The following FHIT variants were observed in gnomAD, a reference collection of about 807,000 sequenced individuals.
The protein encoded by FHIT is fragile histidine triad diadenosine triphosphatase, also known as bis(5'-adenosyl)-triphosphatase.
In FHIT, 19 loss-of-function variants were observed where a neutral mutation model predicts 17.9. The observed-to-expected ratio is 1.06, with a 90% CI of 0.74 to 1.56. The LOEUF (loss-of-function observed/expected upper bound fraction) is 1.56, where lower values mean the gene tolerates loss of function less well. Among genes scored for constraint, FHIT ranks in the 40% most tolerant of loss-of-function variants. FHIT has a pLI of 0.00. For synonymous variants in FHIT, 81 were observed against 69.7 expected, an observed-to-expected ratio of 1.16 and a Z score of -0.81; for missense variants, 248 against 189.2, an observed-to-expected ratio of 1.31 and a Z score of -1.82.
chr3:60,069,265 T>A (rs886417940), intron 5 of FHIT, among the ~76,000 whole-genome samples: 3 of 152,244 alleles, frequency 2.0e-5, no homozygotes, highest in Non-Finnish European at 4.4e-5. Context: ...ACTACTTTTT[T>A]TTAAATAATG....
chr3:60,530,890 T>C (rs917817316), intron 5 of FHIT, among the ~76,000 whole-genome samples: 1 of 152,208 alleles, frequency 6.6e-6, no homozygotes, highest in Admixed American at 6.5e-5. Context: ...TGCTTGTAGC[T>C]GGTGGCCATG....
intron 4 of FHIT, among the ~76,000 whole-genome samples, chr3:60,668,869 T>C (rs1032246479): frequency 2.0e-5 from 3 of 152,170 alleles, no homozygotes; most frequent in African/African-American, 7.2e-5. Context: ...TCATTCTTAC[T>C]GTCTTTCAGC....
chr3:60,649,042 C>T (rs1329569512), intron 4 of FHIT, among the ~76,000 whole-genome samples: 1 of 152,194 alleles, frequency 6.6e-6, no homozygotes, highest in Non-Finnish European at 1.5e-5. Context: ...CATAGAAATT[C>T]CATTTTCATA....
intron 8 of FHIT, among the ~76,000 whole-genome samples, chr3:59,808,661 G>T (rs181152420): frequency 4.6e-5 from 7 of 152,314 alleles, no homozygotes; most frequent in African/African-American, 1.7e-4. Flanking sequence ...AGCTGATCTG[G>T]AGTTTCAGTT....
At chr3:60,262,383 C>G (rs1419287774) in intron 5 of FHIT, among the ~76,000 whole-genome samples, 1 of 151,906 alleles carries the variant, frequency 6.6e-6, no homozygotes, top group Non-Finnish European at 1.5e-5. Flanking sequence ...TTTACCTGAG[C>G]CCTGTGCTTG....
intron 8 of FHIT, among the ~76,000 whole-genome samples, chr3:59,913,546 A>G (rs1704986099): frequency 6.6e-6 from 1 of 152,114 alleles, no homozygotes; most frequent in Non-Finnish European, 1.5e-5. Context: ...GTGTATTCTC[A>G]TTGACAGTAA....
At chr3:61,198,037 T>C (rs17064615) in intron 2 of FHIT, among the ~76,000 whole-genome samples, 14 of 152,052 alleles carry the variant, frequency 9.2e-5, no homozygotes, top group Non-Finnish European at 1.8e-4. Context: ...TACTTACACA[T>C]GATGAAAGAA....
intron 7 of FHIT, among the ~76,000 whole-genome samples, chr3:59,973,342 A>G (rs373903539): frequency 1.3e-5 from 2 of 151,998 alleles, no homozygotes; most frequent in East Asian, 1.9e-4. Flanking sequence ...AGTTGGCCCC[A>G]TTATCTTTAC....
At chr3:60,093,071 T>C (rs1268319356) in intron 5 of FHIT, among the ~76,000 whole-genome samples, 1 of 152,178 alleles carries the variant, frequency 6.6e-6, no homozygotes, top group Non-Finnish European at 1.5e-5. Context: ...CAGTTTCCTA[T>C]GGCTGCAGTA....
intron 4 of FHIT, among the ~76,000 whole-genome samples, chr3:60,561,214 CAGAT>C (rs1440280089): frequency 6.6e-6 from 1 of 151,882 alleles, no homozygotes; most frequent in East Asian, 1.9e-4. Flanking sequence ...AATTACCAAT[CAGAT>C]AGACGCTAAG....
intron 8 of FHIT, among the ~76,000 whole-genome samples, chr3:59,800,031 A>G (rs558981673): frequency 6.6e-6 from 1 of 152,350 alleles, no homozygotes; most frequent in East Asian, 1.9e-4. Context: ...CAAGGAAGTG[A>G]AAACCATTCA....
intron 8 of FHIT, among the ~76,000 whole-genome samples, chr3:59,819,053 T>C (rs964207146): frequency 6.6e-6 from 1 of 152,246 alleles, no homozygotes; most frequent in Non-Finnish European, 1.5e-5. Flanking sequence ...TCTGTTGACT[T>C]GAAGTGGTGT....
intron 2 of FHIT, among the ~76,000 whole-genome samples, chr3:61,139,744 ATG>A (rs2037022197): frequency 6.6e-6 from 1 of 152,158 alleles, no homozygotes; most frequent in Admixed American, 6.5e-5. Context: ...GCTCATGTAT[ATG>A]TGGTACTATA....
chr3:60,799,721 C>T (rs2106653502), intron 4 of FHIT, among the ~76,000 whole-genome samples: 1 of 152,236 alleles, frequency 6.6e-6, no homozygotes, highest in South Asian at 2.1e-4. Flanking sequence ...AACATTTTCG[C>T]CTCCAAGAAG....
chr3:60,074,977 T>C (rs180698925), intron 5 of FHIT, among the ~76,000 whole-genome samples: 2 of 152,198 alleles, frequency 1.3e-5, no homozygotes, highest in Admixed American at 6.6e-5. Context: ...GGGTGAATGT[T>C]ACAGCAAACT....
intron 2 of FHIT, among the ~76,000 whole-genome samples, chr3:61,188,321 A>G (rs1185383213): frequency 6.6e-6 from 1 of 152,266 alleles, no homozygotes; most frequent in Non-Finnish European, 1.5e-5. Context: ...CAAATAAACT[A>G]GAAAATCTAG....
intron 5 of FHIT, among the ~76,000 whole-genome samples, chr3:60,431,866 G>A (rs1312990582): frequency 6.6e-6 from 1 of 152,004 alleles, no homozygotes; most frequent in Non-Finnish European, 1.5e-5. Flanking sequence ...CCCCATGTGT[G>A]TATCCGTGGT....
At chr3:61,029,560 G>T (rs2032909028) in intron 3 of FHIT, among the ~76,000 whole-genome samples, 1 of 152,134 alleles carries the variant, frequency 6.6e-6, no homozygotes, top group African/African-American at 2.4e-5. Context: ...GAAAAAAATG[G>T]ACTGCAAGTC....
intron 5 of FHIT, among the ~76,000 whole-genome samples, chr3:60,463,422 T>C (rs1318344176): frequency 1.3e-5 from 2 of 152,204 alleles, no homozygotes; most frequent in South Asian, 2.1e-4. Context: ...GGCTAACCAA[T>C]GAAACACTAA....
Sources: gnomAD v4.1 joint callset for allele counts (sites outside exome capture counted in the v4.1 genomes callset) on GRCh38, gnomAD v4.1.1 for gene constraint, MANE v1.5 for transcripts, NCBI Gene and HGNC (gene_info 2026-07-23, HGNC 2026-07-21) for gene names.